The following HDDC2 variants were observed in gnomAD, a reference collection of about 807,000 sequenced individuals.
The protein encoded by HDDC2 is HD domain containing 2, also known as 5'-deoxynucleotidase HDDC2.
Under a neutral mutation model 25.5 loss-of-function variants are expected in HDDC2, and 25 were observed. That is an observed-to-expected ratio of 0.98 (90% CI 0.72 to 1.37). The LOEUF is 1.37. Ranked by LOEUF, HDDC2 falls within the 40% of genes most tolerant of loss-of-function variation. HDDC2 has a pLI of 0.00. For synonymous variants in HDDC2, 106 were observed against 89.7 expected, an observed-to-expected ratio of 1.18 and a Z score of -1.03; for missense variants, 264 against 253.1, an observed-to-expected ratio of 1.04 and a Z score of -0.29.
intron 4 of HDDC2, among the ~76,000 whole-genome samples, chr6:125,287,827 G>A (rs748466910): frequency 6.6e-6 from 1 of 152,212 alleles, no homozygotes; most frequent in Non-Finnish European, 1.5e-5. Context: ...TGTCACAACC[G>A]GAGGGATGAG....
At chr6:125,280,263 T>A (rs6917910) in intron 4 of HDDC2, among the ~76,000 whole-genome samples, 6 of 152,026 alleles carry the variant, frequency 3.9e-5, no homozygotes, top group Non-Finnish European at 5.9e-5. Flanking sequence ...GGGATTCCCT[T>A]GAGTGCTTAC....
chr6:125,301,866 G>C lies in HDDC2; in HGVS notation c.67C>G (p.Leu23Val). The change falls in exon 1 of 6, where the codon CTG becomes GTG. Residue 23 changes from leucine (L) to valine (V), a missense_variant. Coordinates refer to ENST00000398153, the MANE Select transcript of HDDC2 (RefSeq NM_016063.3). ...CCGCTCACCTTGAGCTGCCCTACCA[G>C]CCGCAGGAACTGCAGTAGGGACCGA... ...GARSLLQFLR[L>V]VGQLKRVPRT... The C allele has an allele frequency of 2.6e-6, 4 of 1,547,618 alleles. No individual in the cohort carries two copies. Among genetic ancestry groups the C allele is most frequent in the Non-Finnish European group, 3.5e-6 (4 of 1,147,828 alleles).
chr6:125,284,201 A>T (rs1311184084), intron 4 of HDDC2, among the ~76,000 whole-genome samples: 1 of 152,246 alleles, frequency 6.6e-6, no homozygotes, highest in Non-Finnish European at 1.5e-5. Flanking sequence ...ACCTAAAACC[A>T]TAAAAACCCT....
intron 4 of HDDC2, among the ~76,000 whole-genome samples, chr6:125,288,540 G>A (rs1349258920): frequency 2.0e-5 from 3 of 152,112 alleles, no homozygotes; most frequent in African/African-American, 4.8e-5. Flanking sequence ...ATAGGCAGAG[G>A]AAAGGAAAAC....
At chr6:125,285,518 G>C (rs1798520380) in intron 4 of HDDC2, among the ~76,000 whole-genome samples, 2 of 151,942 alleles carry the variant, frequency 1.3e-5, no homozygotes, top group Non-Finnish European at 2.9e-5. Flanking sequence ...ATGATATAAA[G>C]AGTTTGAGAT....
rs149686363 is a variant in HDDC2, at chr6:125,291,281, C to T, written c.378+1560G>A. Among the ~76,000 whole-genome samples the T allele has an allele frequency of 1.5e-3, 225 of 152,300 alleles. 4 individuals are homozygous for T. In the East Asian group the frequency reaches 0.018, roughly 12 times the overall value. ...GCCAGGCTCCAAGCTAGATACTACA[C>T]ATACTTTGCCAGGTTTAATTTTCAT... On this transcript the variant is annotated intron_variant, in intron 4 of 5. Transcript: ENST00000398153.
At position 125,298,740 on chromosome 6, in the gene HDDC2, T is replaced by A; in HGVS notation, c.283A>T (p.Lys95Ter). Residue 95 changes from lysine to a stop codon, truncating the protein, a stop_gained, in exon 3 of 6, where the codon AAA becomes TAA. Coordinates refer to ENST00000398153, the MANE Select transcript of HDDC2 (RefSeq NM_016063.3). LOFTEE classifies it high-confidence loss of function. ...GDIAPADNIP[K>*]EEKHRREEEA... Reference sequence around the variant, plus strand: ...TCTTCTCGCCTATGTTTTTCTTCTTTGGGGATGTTATCTGCTGGTGCTATG... The same window carrying A: ...TCTTCTCGCCTATGTTTTTCTTCTTAGGGGATGTTATCTGCTGGTGCTATG... 1.9e-6 allele frequency: 3 copies of A among 1,614,122 alleles called. No homozygotes were observed. The highest frequency in any genetic ancestry group is 2.5e-6 in the Non-Finnish European group (3 of 1,179,982).
chr6:125,294,910 A>T (rs929490754), intron 3 of HDDC2, among the ~76,000 whole-genome samples: 2 of 152,244 alleles, frequency 1.3e-5, no homozygotes, highest in Non-Finnish European at 2.9e-5. Flanking sequence ...TTCTTTAAAA[A>T]ACAAAACAGC....
At chr6:125,293,625 C>G (rs1252838797) in intron 3 of HDDC2, among the ~76,000 whole-genome samples, 1 of 152,146 alleles carries the variant, frequency 6.6e-6, no homozygotes, top group Non-Finnish European at 1.5e-5. Context: ...TTAGACAGTA[C>G]TGGCAGAAAT....
intron 1 of HDDC2, among the ~76,000 whole-genome samples, chr6:125,301,167 C>T (rs984141675): frequency 6.6e-5 from 10 of 152,152 alleles, no homozygotes; most frequent in Non-Finnish European, 5.9e-5. Context: ...TGTGAAACTG[C>T]ATTTCTTCCT....
chr6:125,281,703 G>T (rs1372552980), intron 4 of HDDC2, among the ~76,000 whole-genome samples: 1 of 152,182 alleles, frequency 6.6e-6, no homozygotes, highest in African/African-American at 2.4e-5. Context: ...ATGGGACTAT[G>T]TGAAAAGACC....
chr6:125,280,795 T>C (rs2115102030), intron 4 of HDDC2, among the ~76,000 whole-genome samples: 1 of 152,346 alleles, frequency 6.6e-6, no homozygotes, highest in Non-Finnish European at 1.5e-5. Context: ...GCAGCTTCAG[T>C]ACACTTAAAT....
intron 4 of HDDC2, among the ~76,000 whole-genome samples, chr6:125,291,944 G>A (rs1798637532): frequency 6.6e-6 from 1 of 152,154 alleles, no homozygotes; most frequent in Non-Finnish European, 1.5e-5. Flanking sequence ...CCTAAGACAA[G>A]GGACAACCTG....
chr6:125,296,591 G>A (rs73772433), intron 3 of HDDC2, among the ~76,000 whole-genome samples: 1 of 152,146 alleles, frequency 6.6e-6, no homozygotes, highest in Non-Finnish European at 1.5e-5. Context: ...AGAGGCAATA[G>A]AACATCAGTG....
chr6:125,284,871 TTAATGGGGCACTA>T lies in HDDC2; in HGVS notation c.379-7644_379-7632del, dbSNP rs1798508201. ...TATAAAGACACATGCACACGTATGT[TTAATGGGGCACTA>T]TTCACTATAGCAAAGACTTGGAACC... is the stretch of plus-strand genomic sequence containing the variant. On this transcript the variant is annotated intron_variant, in intron 4 of 5. Transcript: ENST00000398153. Among the ~76,000 whole-genome samples, 3 of 152,208 alleles carry T rather than the reference TTAATGGGGCACTA, an allele frequency of 2.0e-5. No homozygotes were observed. In the South Asian group the frequency reaches 6.2e-4, roughly 32 times the overall value.
intron 4 of HDDC2, among the ~76,000 whole-genome samples, chr6:125,280,727 T>C (rs543436532): frequency 8.5e-5 from 13 of 152,360 alleles, no homozygotes; most frequent in African/African-American, 2.6e-4. Context: ...CAGGGGCTTA[T>C]AGATAAAACT....
At chr6:125,298,922 C>T (rs1798752172) in intron 2 of HDDC2, 106 bp from the exon 3 acceptor site, 2 of 672,368 alleles carry the variant, frequency 3.0e-6, no homozygotes, top group Non-Finnish European at 4.9e-6. Context: ...TTTCTCCACC[C>T]TCACAGAGTA....
At chr6:125,288,166 T>C (rs993143090) in intron 4 of HDDC2, among the ~76,000 whole-genome samples, 2 of 152,196 alleles carry the variant, frequency 1.3e-5, no homozygotes, top group Non-Finnish European at 2.9e-5. Flanking sequence ...ACAGTGTCTA[T>C]GTTCTCAAAG....
chr6:125,296,442 C>T (rs1798707250), intron 3 of HDDC2, among the ~76,000 whole-genome samples: 1 of 152,178 alleles, frequency 6.6e-6, no homozygotes, highest in African/African-American at 2.4e-5. Context: ...AAATTCCACT[C>T]AGAGCCAAGA....
Sources: gnomAD v4.1 joint callset for allele counts (sites outside exome capture counted in the v4.1 genomes callset) on GRCh38, gnomAD v4.1.1 for gene constraint, MANE v1.5 for transcripts, NCBI Gene and HGNC (gene_info 2026-07-23, HGNC 2026-07-21) for gene names.